ABCA6: variants seen among roughly 807,000 people sequenced by gnomAD.
ABCA6 encodes the protein ATP-binding cassette sub-family A member 6.
A neutral mutation model predicts 191.2 loss-of-function variants in ABCA6; 164 were observed. The ratio of observed to expected loss-of-function variants is 0.86; its 90% CI spans 0.76 to 0.98. The LOEUF is 0.98. ABCA6 is among the 50% of genes least tolerant of loss of function. The probability of loss-of-function intolerance (pLI) is 0.00; values close to 1 mark genes in which losing one functional copy is unlikely to be tolerated. For missense variants in ABCA6, 1,958 were observed against 1,894.1 expected (o/e 1.03, Z -0.63); for synonymous variants, 636 against 647.7 (o/e 0.98, Z 0.27).
intron 30 of ABCA6, 127 bp downstream of exon 30, chr17:69,086,483 CTAAATATA>C: frequency 1.1e-5 from 1 of 93,934 alleles, no homozygotes; most frequent in Non-Finnish European, 1.6e-5. Context: ...CCCTGGCACA[CTAAATATA>C]TATATATATA....
At position 69,105,646 on chromosome 17, in the gene ABCA6, A is replaced by T; in HGVS notation, c.2574-18T>A. 1 of 1,434,402 alleles carries T rather than the reference A, an allele frequency of 7.0e-7. No individual in the cohort carries two copies. Among genetic ancestry groups the T allele is most frequent in the Non-Finnish European group, 9.6e-7 (1 of 1,041,242 alleles). 88.9% of individuals were successfully genotyped at this position (1,434,402 alleles called of 1,614,324 possible). A position where few individuals can be genotyped will look rare whatever the true frequency, so the allele number is the denominator to read the frequency against. ...CCAATAATCTAAACAATAAAGAAAA[A>T]TTAGCATATTAATCTCCAGGAATTT... On this transcript the variant is annotated intron_variant, in intron 19 of 38. Transcript: ENST00000284425.
In ABCA6 at chr17:69,078,995, A is replaced by G. The variant is rs1446937140; in HGVS notation, c.4832T>C (p.Leu1611Pro). The G allele has an allele frequency of 6.2e-7, 1 of 1,611,328 alleles. No homozygotes were observed. The highest frequency in any genetic ancestry group is 1.1e-5 in the South Asian group (1 of 90,808). Residue 1611 changes from leucine to proline, a missense_variant, in exon 39 of 39, where the codon CTC (leucine) becomes CCC (proline). Coordinates refer to ENST00000284425, the MANE Select transcript of ABCA6 (RefSeq NM_080284.3). ...GTTTTAAGGTTCATCTGAATGAGGG[A>G]GGAGTTTCCATCTCATTGTTGTATC... Reference protein sequence around the residue: ...EIDTTMRWKLLPHSDEP With the variant: ...EIDTTMRWKLPPHSDEP
intron 5 of ABCA6, among the ~76,000 whole-genome samples, chr17:69,134,418 C>T (rs750997736): frequency 8.5e-5 from 13 of 152,200 alleles, no homozygotes; most frequent in Non-Finnish European, 1.6e-4. Flanking sequence ...ACGGTGCTAT[C>T]TATGAGGAAT....
intron 22 of ABCA6, among the ~76,000 whole-genome samples, chr17:69,098,898 C>T (rs1053562307): frequency 4.6e-5 from 7 of 152,110 alleles, no homozygotes; most frequent in Non-Finnish European, 7.4e-5. Flanking sequence ...ATACTTAATA[C>T]TACTCAACTG....
Position 69,105,535 on chromosome 17 carries a change from G to T in ABCA6, c.2667C>A (p.Asn889Lys). Residue 889 changes from asparagine to lysine, a missense_variant, in exon 20 of 39, where the codon AAC becomes AAA. By Grantham distance (94) the Asn-to-Lys change is moderately conservative. Transcript: ENST00000284425. ...LNEKIDWEFK[N>K]ELYFLSPGQL... ...GTCCAGGAGAGAGAAAATACAATTC[G>T]TTTTTAAATTCCCAATCGATCTTTT... 1 of 1,608,522 alleles carries T rather than the reference G, an allele frequency of 6.2e-7. No individual in the cohort carries two copies. The highest frequency in any genetic ancestry group is 8.5e-7 in the Non-Finnish European group (1 of 1,176,864).
intron 25 of ABCA6, 92 bp from the exon 26 acceptor site, chr17:69,091,354 T>C (rs1258749916): frequency 3.0e-5 from 41 of 1,368,774 alleles, no homozygotes; most frequent in Non-Finnish European, 4.0e-5. Context: ...TCATGATGTA[T>C]ATCATAATGT....
chr17:69,138,793 A>G (rs879922287), intron 2 of ABCA6, among the ~76,000 whole-genome samples: 10 of 149,010 alleles, frequency 6.7e-5, no homozygotes, highest in Non-Finnish European at 1.2e-4. Context: ...ATAACGCCGC[A>G]TATCTACAAC....
chr17:69,114,843 T>C lies in ABCA6; in HGVS notation c.1701A>G (p.Gln567=), dbSNP rs200527938. The C allele has an allele frequency of 3.7e-6, 6 of 1,612,830 alleles. No individual in the cohort carries two copies. Among genetic ancestry groups the C allele is most frequent in the Non-Finnish European group, 5.1e-6 (6 of 1,179,222 alleles). ...ITGVCPQFNV[Q]FDILTVKENL... ...TTTCCTTCACGGTGAGTATGTCAAA[T>C]TGAACATTGAATTGAGGACAGACGC... The change falls in exon 13 of 39, where the codon CAA becomes CAG. Residue 567 remains glutamine, a synonymous_variant. Coordinates refer to ENST00000284425, the MANE Select transcript of ABCA6 (RefSeq NM_080284.3).
chr17:69,111,299 G>GA (rs1300442537), intron 16 of ABCA6: 1 of 157,288 alleles, frequency 6.4e-6, no homozygotes, highest in Non-Finnish European at 1.4e-5. Context: ...AGCTAGTAGA[G>GA]AAAATCTGGC....
At chr17:69,087,262 A>G in intron 29 of ABCA6, 91 bp downstream of exon 29, 1 of 1,520,666 alleles carries the variant, frequency 6.6e-7, no homozygotes, top group Non-Finnish European at 8.9e-7. Context: ...CAAACTCCAA[A>G]CTCTCAAAAT....
In ABCA6 at chr17:69,112,274, C is replaced by A; in HGVS notation, c.2042-1G>T. On this transcript the variant is annotated splice_acceptor_variant, in intron 15 of 38. Coordinates refer to ENST00000284425, the MANE Select transcript of ABCA6 (RefSeq NM_080284.3). LOFTEE classifies it high-confidence loss of function. ...CCATTGGACATGATCACTTTTCTAT[C>A]TGAATGAAAGAAATCAAGGGAGAAA... 1.9e-6 allele frequency: 3 copies of A among 1,607,972 alleles called. No homozygotes were observed. The highest frequency in any genetic ancestry group is 2.6e-6 in the Non-Finnish European group (3 of 1,175,444).
chr17:69,096,489 T>C, intron 24 of ABCA6, 136 bp from the exon 25 acceptor site: 1 of 814,026 alleles, frequency 1.2e-6, no homozygotes, highest in Non-Finnish European at 1.8e-6. Context: ...TTAGTATTTA[T>C]CATACATGCA....
At chr17:69,083,069 T>C in intron 35 of ABCA6, 56 bp from the exon 36 acceptor site, 2 of 1,598,274 alleles carry the variant, frequency 1.3e-6, no homozygotes. Context: ...TTTTTTAATG[T>C]TATTCTTAAA....
chr17:69,132,423 T>C (rs963057715), intron 6 of ABCA6, among the ~76,000 whole-genome samples: 1 of 152,222 alleles, frequency 6.6e-6, no homozygotes, highest in African/African-American at 2.4e-5. Context: ...TATCTGCTAA[T>C]CTTACTTACT....
At chr17:69,086,553 T>G in intron 30 of ABCA6, 65 bp downstream of exon 30, 8 of 933,910 alleles carry the variant, frequency 8.6e-6, no homozygotes, top group Non-Finnish European at 1.1e-5. Flanking sequence ...ACTGTGCCTA[T>G]GACATAGATG....
intron 20 of ABCA6, among the ~76,000 whole-genome samples, chr17:69,103,535 T>A (rs569843663): frequency 6.6e-6 from 1 of 152,254 alleles, no homozygotes; most frequent in East Asian, 1.9e-4. Flanking sequence ...GATATGACCC[T>A]GAAGAAGAAA....
chr17:69,090,745 A>G (rs2072905071), intron 26 of ABCA6, among the ~76,000 whole-genome samples: 2 of 152,230 alleles, frequency 1.3e-5, no homozygotes, highest in Non-Finnish European at 2.9e-5. Flanking sequence ...ATGGAATCGC[A>G]TATGAGTTTA....
chr17:69,112,269 T>C lies in ABCA6; in HGVS notation c.2046A>G (p.Arg682=). 6.2e-7 allele frequency: 1 copy of C among 1,609,768 alleles called. No individual in the cohort carries two copies. The highest frequency in any genetic ancestry group is 8.5e-7 in the Non-Finnish European group (1 of 1,176,838). The change falls in exon 16 of 39, where the codon AGA becomes AGG. Residue 682 remains arginine (R), a synonymous_variant. Coordinates refer to ENST00000284425, the MANE Select transcript of ABCA6 (RefSeq NM_080284.3). ...SMDEADILAD[R]KVIMSNGRLK... ...GTCTCCCATTGGACATGATCACTTTTCTATCTGAATGAAAGAAATCAAGGG... is the reference window on the plus strand; with the variant it reads ...GTCTCCCATTGGACATGATCACTTTCCTATCTGAATGAAAGAAATCAAGGG...
At position 69,081,048 on chromosome 17, in the gene ABCA6, G is replaced by C; in HGVS notation, c.4696+18C>G. ...AGTTGATTCTTCAAAAGATTTATTT[G>C]AATGTGGTCACTCTTACCTGCTTCT... On this transcript the variant is annotated intron_variant, in intron 37 of 38. Transcript: ENST00000284425. The C allele has an allele frequency of 6.8e-7, 1 of 1,465,070 alleles. No homozygotes were observed. Among genetic ancestry groups the C allele is most frequent in the African/African-American group, 1.4e-5 (1 of 70,564 alleles). The allele number at this position is 1,465,070 out of a possible 1,614,324, so 90.8% of individuals were successfully genotyped here. A position where few individuals can be genotyped will look rare whatever the true frequency, so the allele number is the denominator to read the frequency against.
Sources: gnomAD v4.1 joint callset for allele counts (sites outside exome capture counted in the v4.1 genomes callset) on GRCh38, gnomAD v4.1.1 for gene constraint, MANE v1.5 for transcripts, NCBI Gene and HGNC (gene_info 2026-07-23, HGNC 2026-07-21) for gene names.